TENM1: variants seen among roughly 807,000 people sequenced by gnomAD.
TENM1 encodes teneurin transmembrane protein 1.
In TENM1, 35 loss-of-function variants were observed where a neutral mutation model predicts 174.8. That is an observed-to-expected ratio of 0.20 (90% CI 0.15 to 0.27). The LOEUF (loss-of-function observed/expected upper bound fraction) is 0.27, where lower values mean the gene tolerates loss of function less well. Among genes scored for constraint, TENM1 ranks in the 10% least tolerant of loss-of-function variants. The probability of loss-of-function intolerance (pLI) is 1.00; values close to 1 mark genes in which losing one functional copy is unlikely to be tolerated. For synonymous variants in TENM1, 781 were observed against 798.7 expected (o/e 0.98, Z 0.37); for missense variants, 1,633 against 2,130.1 (o/e 0.77, Z 4.59).
chrX:124,404,480 A>G (rs2060439807), intron 27 of TENM1, among the ~76,000 whole-genome samples: 1 of 111,667 alleles, frequency 9.0e-6, no homozygotes, highest in South Asian at 3.8e-4. Context: ...AGCTCTGAGT[A>G]CCTCAGCCCA....
At chrX:124,533,420 G>A (rs760376310) in intron 15 of TENM1, among the ~76,000 whole-genome samples, 2 of 111,005 alleles carry the variant, frequency 1.8e-5, no homozygotes, top group Admixed American at 9.6e-5. Flanking sequence ...AGGTATGTAC[G>A]GTGAGGGTCT....
At chrX:124,853,480 T>C (rs778709617) in intron 3 of TENM1, among the ~76,000 whole-genome samples, 2 of 110,728 alleles carry the variant, frequency 1.8e-5, no homozygotes, top group East Asian at 5.7e-4. Flanking sequence ...GAGTTGACAA[T>C]GAAAAGGGGA....
chrX:124,925,797 T>C (rs1434323274), intron 1 of TENM1, among the ~76,000 whole-genome samples: 1 of 111,846 alleles, frequency 8.9e-6, no homozygotes, highest in African/African-American at 3.2e-5. Context: ...AATTCAAATA[T>C]TTACATGGGC....
chrX:124,890,051 C>A (rs181328363), intron 3 of TENM1, among the ~76,000 whole-genome samples: 19 of 111,748 alleles, frequency 1.7e-4, no homozygotes, highest in African/African-American at 5.5e-4. Flanking sequence ...ATAAATATTT[C>A]TTGAACAGAA....
intron 11 of TENM1, among the ~76,000 whole-genome samples, chrX:124,584,603 A>G (rs5958534): frequency 0.25 from 27,946 of 110,447 alleles, 2,800 homozygotes; most frequent in South Asian, 0.41. Context: ...AAAGACCATC[A>G]AGGCTAGGAA....
At chrX:124,437,992 C>T (rs180721167) in intron 23 of TENM1, among the ~76,000 whole-genome samples, 77 of 112,177 alleles carry the variant, frequency 6.9e-4, no homozygotes, top group African/African-American at 2.2e-3. Flanking sequence ...GGCACTGATT[C>T]GTGCACTTTC....
In TENM1 at chrX:124,585,822, C is replaced by T. The variant is rs757226301; in HGVS notation, c.2078-20262G>A. ...AATAAAGAAGAAAAGACAGAATAAT[C>T]AAATATACGCAATAAAAAATGACAA... On this transcript the variant is annotated intron_variant, in intron 11 of 31. Transcript: ENST00000422452. Among the ~76,000 whole-genome samples, 30 of 111,454 alleles carry T rather than the reference C, an allele frequency of 2.7e-4. No individual in the cohort carries two copies. In the East Asian group the frequency reaches 7.3e-3, roughly 27 times the overall value.
intron 11 of TENM1, among the ~76,000 whole-genome samples, chrX:124,590,534 T>C (rs1212602155): frequency 1.8e-5 from 2 of 111,225 alleles, no homozygotes; most frequent in Non-Finnish European, 3.8e-5. Context: ...AGAATCAATA[T>C]CGTGAAAATG....
intron 6 of TENM1, among the ~76,000 whole-genome samples, chrX:124,666,624 C>T (rs1156974069): frequency 6.3e-5 from 7 of 111,444 alleles, no homozygotes; most frequent in East Asian, 2.8e-4. Context: ...CCTATAATTC[C>T]ACCCCTGAAA....
intron 11 of TENM1, among the ~76,000 whole-genome samples, chrX:124,619,521 G>A (rs1429471246): frequency 9.0e-6 from 1 of 111,342 alleles, no homozygotes; most frequent in African/African-American, 3.3e-5. Context: ...TTTTTCTATT[G>A]TAAACAATGC....
At chrX:124,651,659 G>C in intron 8 of TENM1, among the ~76,000 whole-genome samples, 1 of 110,585 alleles carries the variant, frequency 9.0e-6, no homozygotes, top group Non-Finnish European at 1.9e-5. Flanking sequence ...TTTCTGTTGA[G>C]AGCACATAAA....
the TENM1 span, among the ~76,000 whole-genome samples, chrX:125,071,385 T>A: frequency 9.0e-6 from 1 of 111,719 alleles, no homozygotes; most frequent in Non-Finnish European, 1.9e-5. Flanking sequence ...TAGAGATTCA[T>A]CCCAATCTCC....
intron 16 of TENM1, among the ~76,000 whole-genome samples, chrX:124,527,192 T>A (rs1602600834): frequency 8.9e-6 from 1 of 112,022 alleles, no homozygotes; most frequent in Non-Finnish European, 1.9e-5. Flanking sequence ...TCATAAACAT[T>A]CACCTTTCCT....
At chrX:125,106,470 C>T in the TENM1 span, among the ~76,000 whole-genome samples, 3 of 107,257 alleles carry the variant, frequency 2.8e-5, no homozygotes, top group East Asian at 2.9e-4. Flanking sequence ...AGTGCAGTGG[C>T]GTGATCTCAG....
chrX:124,955,223 T>C (rs2058551864), intron 1 of TENM1, among the ~76,000 whole-genome samples: 1 of 109,169 alleles, frequency 9.2e-6, no homozygotes, highest in Non-Finnish European at 1.9e-5. Flanking sequence ...CTATCTTGGA[T>C]GCACATTGGC....
intron 28 of TENM1, among the ~76,000 whole-genome samples, chrX:124,389,209 C>T (rs1391217693): frequency 2.7e-5 from 3 of 112,419 alleles, no homozygotes; most frequent in Non-Finnish European, 5.6e-5. Context: ...TTCACTTACT[C>T]TAGAAGAAGT....
chrX:125,199,662 C>G, the TENM1 span, among the ~76,000 whole-genome samples: 1 of 111,301 alleles, frequency 9.0e-6, no homozygotes, highest in Non-Finnish European at 1.9e-5. Context: ...GATTATACTT[C>G]CAGGCCTTGA....
At chrX:124,628,674 TG>T (rs1335649699) in intron 11 of TENM1, among the ~76,000 whole-genome samples, 1 of 111,514 alleles carries the variant, frequency 9.0e-6, no homozygotes, top group African/African-American at 3.3e-5. Flanking sequence ...ATTACATAAT[TG>T]ATCATTTTTC....
chrX:125,083,985 G>A, the TENM1 span, among the ~76,000 whole-genome samples: 32 of 111,454 alleles, frequency 2.9e-4, no homozygotes, highest in Non-Finnish European at 5.3e-4. Context: ...ACCACAAGAT[G>A]TTTCCTTTCT....
Sources: allele counts gnomAD v4.1 joint callset (sites outside exome capture counted in the v4.1 genomes callset), GRCh38; gene constraint gnomAD v4.1.1; transcripts MANE v1.5; gene names NCBI Gene and HGNC (gene_info 2026-07-23, HGNC 2026-07-21).